The following ILDR2 variants were observed in gnomAD, a reference collection of about 807,000 sequenced individuals.
ILDR2 encodes immunoglobulin like domain containing receptor 2, also known as immunoglobulin-like domain-containing receptor 2.
In ILDR2, 25 loss-of-function variants were observed where a neutral mutation model predicts 66.8. The observed-to-expected ratio is 0.37, with a 90% confidence interval of 0.27 to 0.52. The LOEUF (loss-of-function observed/expected upper bound fraction) is 0.52. ILDR2 is among the 20% of genes least tolerant of loss of function. The pLI is 0.88. For synonymous variants in ILDR2, 367 were observed against 357.2 expected (o/e 1.03, Z -0.31); for missense variants, 827 against 876.8 (o/e 0.94, Z 0.72).
intron 2 of ILDR2, among the ~76,000 whole-genome samples, chr1:166,957,167 C>T (rs972777604): frequency 2.6e-5 from 4 of 152,150 alleles, no homozygotes; most frequent in African/African-American, 9.7e-5. Context: ...CAGGAAAATG[C>T]CAGAATTATT....
intron 6 of ILDR2, among the ~76,000 whole-genome samples, chr1:166,931,713 T>G (rs903406094): frequency 1.3e-5 from 2 of 152,134 alleles, no homozygotes; most frequent in Non-Finnish European, 2.9e-5. Flanking sequence ...TATTTTGAGT[T>G]ACAATCTAAA....
Position 166,909,774 on chromosome 1 carries a change from T to TATATAA in ILDR2, c.*9580_*9581insTTATAT, listed in dbSNP as rs1553224655. 119 of 35,394 alleles carry TATATAA rather than the reference T, an allele frequency of 3.4e-3. No homozygotes were observed. Among genetic ancestry groups the TATATAA allele is most frequent in the African/African-American group, 9.7e-3 (72 of 7,426 alleles). 2.2% of individuals were successfully genotyped at this position (35,394 alleles called of 1,614,324 possible). On this transcript the variant is annotated 3_prime_UTR_variant, in exon 10 of 10. Coordinates refer to ENST00000271417, the MANE Select transcript of ILDR2 (RefSeq NM_199351.3). ...ATATATATATAAATATATATAAATATATATATTTATATATATATATATATA... is the reference window on the plus strand; with the variant it reads ...ATATATATATAAATATATATAAATATATATAAATATATTTATATATATATATATATA...
intron 6 of ILDR2, among the ~76,000 whole-genome samples, chr1:166,932,810 A>G (rs990485604): frequency 2.6e-5 from 4 of 152,262 alleles, no homozygotes; most frequent in Admixed American, 1.3e-4. Context: ...CTGTTGTGAA[A>G]TAATTACCCT....
At chr1:166,945,293 A>G (rs1451179791) in intron 3 of ILDR2, among the ~76,000 whole-genome samples, 10 of 152,194 alleles carry the variant, frequency 6.6e-5, no homozygotes, top group Admixed American at 6.5e-4. Context: ...TGAATAGACC[A>G]AACGAATCAG....
chr1:166,972,249 C>T (rs1663349027), intron 1 of ILDR2, among the ~76,000 whole-genome samples: 1 of 151,924 alleles, frequency 6.6e-6, no homozygotes. Context: ...AATGCTAATT[C>T]ATCAAGCAAT....
chr1:166,930,271 A>G (rs1660556951), intron 6 of ILDR2, among the ~76,000 whole-genome samples: 1 of 152,220 alleles, frequency 6.6e-6, no homozygotes, highest in Non-Finnish European at 1.5e-5. Context: ...GAAAAGTTAC[A>G]GTAACCATTT....
At chr1:166,898,823 G>A (rs547755017) in intron 2 of ILDR2, among the ~76,000 whole-genome samples, 11 of 152,048 alleles carry the variant, frequency 7.2e-5, no homozygotes, top group Non-Finnish European at 1.5e-4. Context: ...ACTTTGGGAG[G>A]CCAAAGTGGT....
chr1:166,927,682 T>C (rs1449527798), intron 6 of ILDR2, among the ~76,000 whole-genome samples: 1 of 152,222 alleles, frequency 6.6e-6, no homozygotes, highest in African/African-American at 2.4e-5. Context: ...TAGGAGATAA[T>C]GCAAAAGTTC....
Position 166,920,984 on chromosome 1 carries a change from T to G in ILDR2, c.1607A>C (p.Gln536Pro). Residue 536 changes from glutamine (Q) to proline (P), a missense_variant, in exon 9 of 10, where the codon CAG (glutamine) becomes CCG (proline). Transcript: ENST00000271417. ...HSYLGSARER[Q>P]ARPEGASRGG... ...GCGGCTGGCGCCCTCGGGCCGCGCC[T>G]GGCGCTCCCGCGCGCTGCCCAGGTA... 1 of 1,494,302 alleles carries G rather than the reference T, an allele frequency of 6.7e-7. No individual in the cohort carries two copies. Among genetic ancestry groups the G allele is most frequent in the South Asian group, 1.3e-5 (1 of 78,670 alleles). The allele number at this position is 1,494,302 out of a possible 1,614,324, so 92.6% of individuals were successfully genotyped here.
rs1557925091 is a variant in ILDR2 at position 166,915,830 on chromosome 1, G to A, written c.*3525C>T. The A allele has an allele frequency of 1.3e-5, 2 of 152,284 alleles. No individual in the cohort carries two copies. The highest frequency in any genetic ancestry group is 3.9e-4 in the East Asian group (2 of 5,182). The allele number at this position is 152,284 out of a possible 1,614,324, so 9.4% of individuals were successfully genotyped here. ...TCATCTCCAGTATGCCTAATCCTAT[G>A]TCAAGTGCACAGTGAGGATCATGAG... is the stretch of plus-strand genomic sequence containing the variant. On this transcript the variant is annotated 3_prime_UTR_variant, in exon 10 of 10. Coordinates refer to ENST00000271417, the MANE Select transcript of ILDR2 (RefSeq NM_199351.3).
At chr1:166,975,038 ACAC>A (rs921619325) in intron 1 of ILDR2, among the ~76,000 whole-genome samples, 182 bp downstream of exon 1, 7 of 91,428 alleles carry the variant, frequency 7.7e-5, no homozygotes, top group Admixed American at 2.4e-4. Context: ...TCTCTCTCTC[ACAC>A]ACACACACAC....
chr1:166,969,777 A>G (rs895743089), intron 1 of ILDR2, among the ~76,000 whole-genome samples: 4 of 152,232 alleles, frequency 2.6e-5, no homozygotes, highest in African/African-American at 9.6e-5. Flanking sequence ...TTAACCAGAA[A>G]AGAATGTTTC....
In ILDR2 at chr1:166,918,583, G is replaced by T. The variant is rs907520738; in HGVS notation, c.*772C>A. ...AACCTGTGGGAAGTCCAGGAGAGGGGAGGAAGAGAAGAGCCCTTAATGTCT... is the reference window on the plus strand; with the variant it reads ...AACCTGTGGGAAGTCCAGGAGAGGGTAGGAAGAGAAGAGCCCTTAATGTCT... On this transcript the variant is annotated 3_prime_UTR_variant, in exon 10 of 10. Transcript: ENST00000271417. 1 of 152,280 alleles carries T rather than the reference G, an allele frequency of 6.6e-6. No homozygotes were observed. The highest frequency in any genetic ancestry group is 1.5e-5 in the Non-Finnish European group (1 of 68,056). The allele number at this position is 152,280 out of a possible 1,614,324, so 9.4% of individuals were successfully genotyped here. A position where few individuals can be genotyped will look rare whatever the true frequency, so the allele number is the denominator to read the frequency against.
Position 166,920,830 on chromosome 1 carries a change from G to A in ILDR2, c.1761C>T (p.Ser587=). ...GSSQDDQEDA[S]DDALPPYSEL... is the part of the protein sequence containing the mutation. ...CGCTGTAGGGCGGCAGCGCGTCGTCGGACGCGTCCTCCTGGTCGTCCTGCG... is the reference window on the plus strand; with the variant it reads ...CGCTGTAGGGCGGCAGCGCGTCGTCAGACGCGTCCTCCTGGTCGTCCTGCG... Residue 587 remains serine (S), a synonymous_variant, in exon 9 of 10, where the codon TCC becomes TCT. Transcript: ENST00000271417. 1.3e-6 allele frequency: 2 copies of A among 1,519,240 alleles called. No homozygotes were observed. The highest frequency in any genetic ancestry group is 1.8e-6 in the Non-Finnish European group (2 of 1,136,880). The allele number at this position is 1,519,240 out of a possible 1,614,324, so 94.1% of individuals were successfully genotyped here.
At chr1:166,933,554 G>GACCA in intron 6 of ILDR2, 1 of 983,346 alleles carries the variant, frequency 1.0e-6, no homozygotes, top group South Asian at 4.7e-5. Context: ...GGCAGAATGA[G>GACCA]ACCAAAATGG....
At chr1:166,973,962 A>G (rs1159633257) in intron 1 of ILDR2, among the ~76,000 whole-genome samples, 1 of 152,236 alleles carries the variant, frequency 6.6e-6, no homozygotes, top group Non-Finnish European at 1.5e-5. Flanking sequence ...TATTTAGGCA[A>G]TGAAGAATCT....
intron 1 of ILDR2, among the ~76,000 whole-genome samples, chr1:166,962,486 A>G (rs1260956001): frequency 6.6e-6 from 1 of 152,044 alleles, no homozygotes; most frequent in Non-Finnish European, 1.5e-5. Context: ...TCCAAATCTG[A>G]AACTGTGATG....
At chr1:166,941,914 C>T (rs925167500) in intron 3 of ILDR2, among the ~76,000 whole-genome samples, 13 of 152,304 alleles carry the variant, frequency 8.5e-5, no homozygotes, top group African/African-American at 2.9e-4. Flanking sequence ...AAAATCCATA[C>T]ATTCAAGGAG....
At chr1:166,937,379 G>C (rs540124778) in intron 4 of ILDR2, among the ~76,000 whole-genome samples, 15 of 152,318 alleles carry the variant, frequency 9.8e-5, no homozygotes, top group Admixed American at 1.3e-4. Flanking sequence ...TCCATGGCTA[G>C]AGAAAACTAG....
Sources: allele counts gnomAD v4.1 joint callset (sites outside exome capture counted in the v4.1 genomes callset), GRCh38; gene constraint gnomAD v4.1.1; transcripts MANE v1.5; gene names NCBI Gene and HGNC (gene_info 2026-07-23, HGNC 2026-07-21).